Variants in RPAP1 observed in about 807,000 individuals in gnomAD.
RPAP1 encodes RNA polymerase II-associated protein 1.
Under a neutral mutation model 142.4 loss-of-function variants are expected in RPAP1, and 109 were observed. The observed-to-expected ratio is 0.77, with a 90% CI of 0.66 to 0.90. RPAP1 has a LOEUF of 0.90. RPAP1 is among the 40% of genes least tolerant of loss of function. The pLI is 0.00. For synonymous variants in RPAP1, 704 were observed against 738.9 expected, an observed-to-expected ratio of 0.95 and a Z score of 0.77; for missense variants, 1,546 against 1,751.7, an observed-to-expected ratio of 0.88 and a Z score of 2.10.
intron 14 of RPAP1, among the ~76,000 whole-genome samples, chr15:41,525,932 G>A (rs1256861713): frequency 6.6e-6 from 1 of 151,680 alleles, no homozygotes; most frequent in South Asian, 2.1e-4. Flanking sequence ...GGGATTACAG[G>A]TGTGAGCCAC....
In RPAP1 at chr15:41,534,626, A is replaced by G. The variant is rs2051889036; in HGVS notation, c.763+88T>C. On this transcript the variant is annotated intron_variant, in intron 6 of 24. Coordinates refer to ENST00000304330, the MANE Select transcript of RPAP1 (RefSeq NM_015540.4). ...AAAAAAAAGCATTAAAGTACTCAGC[A>G]CAGTGCCCGGAACTCACAGTAAGCC... is the stretch of plus-strand genomic sequence containing the variant. 4 of 720,946 alleles carry G rather than the reference A, an allele frequency of 5.5e-6. No individual in the cohort carries two copies. In the South Asian group the frequency reaches 6.1e-5, roughly 11 times the overall value. The allele number at this position is 720,946 out of a possible 1,614,324, so 44.7% of individuals were successfully genotyped here.
intron 1 of RPAP1, among the ~76,000 whole-genome samples, chr15:41,541,004 A>C (rs1301619066): frequency 6.6e-6 from 1 of 152,122 alleles, no homozygotes; most frequent in Non-Finnish European, 1.5e-5. Flanking sequence ...ACAAGTAAAA[A>C]TGTCTGCAGA....
intron 14 of RPAP1, among the ~76,000 whole-genome samples, chr15:41,526,200 C>T (rs931378980): frequency 5.3e-5 from 8 of 152,168 alleles, no homozygotes; most frequent in East Asian, 1.9e-4. Flanking sequence ...TCCACCACCT[C>T]GGTCTCCCAA....
At chr15:41,536,369 C>T (rs1479560917) in intron 3 of RPAP1, 132 bp downstream of exon 3, 34 of 1,376,262 alleles carry the variant, frequency 2.5e-5, no homozygotes, top group Admixed American at 1.6e-4. Context: ...TAACCCAGCC[C>T]CCAACCTGAC....
At chr15:41,524,924 G>T in intron 15 of RPAP1, 67 bp downstream of exon 15, 2 of 1,533,806 alleles carry the variant, frequency 1.3e-6, no homozygotes, top group Non-Finnish European at 1.8e-6. Context: ...AGGCTGAGGT[G>T]TTTGATTTGG....
chr15:41,534,966 T>C, intron 5 of RPAP1, 31 bp from the exon 6 acceptor site: 1 of 1,600,864 alleles, frequency 6.2e-7, no homozygotes, highest in Admixed American at 1.7e-5. Context: ...CATTCATTGC[T>C]CTGTCCTCCA....
chr15:41,528,142 A>C, intron 10 of RPAP1, 93 bp downstream of exon 10: 1 of 1,492,612 alleles, frequency 6.7e-7, no homozygotes, highest in South Asian at 1.2e-5. Flanking sequence ...ATAGCTGGCT[A>C]GTGAGCCAGA....
Position 41,522,789 on chromosome 15 carries a change from C to A in RPAP1, c.2718G>T (p.Gln906His). Residue 906 changes from glutamine (Q) to histidine (H), a missense_variant, in exon 19 of 25, where the codon CAG (glutamine) becomes CAT (histidine). Physicochemically the swap from Gln to His is conservative, Grantham distance 24. Transcript: ENST00000304330. ...CCTGGCCACACAGCCCCTTGTGGATCTGGGCCAGGGTATTAAGAAGAGAGA... is the reference window on the plus strand; with the variant it reads ...CCTGGCCACACAGCCCCTTGTGGATATGGGCCAGGGTATTAAGAAGAGAGA... ...ALLSLLNTLA[Q>H]IHKGLCGQLA... The A allele has an allele frequency of 6.4e-7, 1 of 1,566,418 alleles. No homozygotes were observed. The highest frequency in any genetic ancestry group is 1.2e-5 in the South Asian group (1 of 82,196).
chr15:41,531,621 ATATATATTTTTTTTTTTTTTTTT>A (rs1234297123), intron 6 of RPAP1, among the ~76,000 whole-genome samples: 8 of 34,228 alleles, frequency 2.3e-4, no homozygotes, highest in African/African-American at 8.9e-4. Flanking sequence ...ATATATATAT[ATATATATTTTTTTTTTTTTTTTT>A]TTTTTTTTTT....
At position 41,521,016 on chromosome 15, in the gene RPAP1, T is replaced by A. The variant is rs1179791431; in HGVS notation, c.3170A>T (p.Asn1057Ile). The A allele has an allele frequency of 1.2e-6, 2 of 1,603,650 alleles. No individual in the cohort carries two copies. Among genetic ancestry groups the A allele is most frequent in the Non-Finnish European group, 1.7e-6 (2 of 1,174,724 alleles). Reference protein sequence around the residue: ...QACQDLPSIRNCYLTHCSPAR... With the variant: ...QACQDLPSIRICYLTHCSPAR... ...TGGCGAGCAATGAGTCAGGTAGCAG[T>A]TGCGGATGCTGGGGAGGTCCTGGCA... The change falls in exon 22 of 25, where the codon AAC (asparagine) becomes ATC (isoleucine). Residue 1057 changes from asparagine (N) to isoleucine (I), a missense_variant. By Grantham distance (149) the Asn-to-Ile change is moderately radical (BLOSUM62 -3). Transcript: ENST00000304330.
rs375319678 is a variant in RPAP1 at position 41,531,142 on chromosome 15, G to C, written c.824C>G (p.Thr275Arg). 2.5e-6 allele frequency: 4 copies of C among 1,614,002 alleles called. No individual in the cohort carries two copies. Among genetic ancestry groups the C allele is most frequent in the South Asian group, 1.1e-5 (1 of 91,066 alleles). The change falls in exon 7 of 25, where the codon ACA becomes AGA. Residue 275 changes from threonine to arginine, a missense_variant. Transcript: ENST00000304330. The part of the protein sequence containing the change: ...HSHTQEQTGE[T>R]ASEEQRPGGP... ...TCCTGGCCTCTGCTCCTCAGAGGCT[G>C]TCTCTCCTGTTTGCTCTTGCGTGTG...
Position 41,524,974 on chromosome 15 carries a change from C to T in RPAP1, c.2075+17G>A, listed in dbSNP as rs779371133. The T allele has an allele frequency of 9.3e-6, 15 of 1,611,632 alleles. 1 individual carries two copies. The South Asian group carries it at 1.5e-4, about 17-fold the overall frequency. Reference sequence around the variant, plus strand: ...CTGAAGGTGTCTAGGGGGAGCCTACCCCCTGCCTCTCCTCACCTGTAAAGG... The same window carrying T: ...CTGAAGGTGTCTAGGGGGAGCCTACTCCCTGCCTCTCCTCACCTGTAAAGG... On this transcript the variant is annotated intron_variant, in intron 15 of 24. Coordinates refer to ENST00000304330, the MANE Select transcript of RPAP1 (RefSeq NM_015540.4).
At position 41,517,304 on chromosome 15, in the gene RPAP1, A is replaced by C; in HGVS notation, c.*238T>G. ...TTTGCCCTGTCCCCAAAGAGCGGGT[A>C]AATAGCTAAGCCACTCTTCACTCCC... is the stretch of plus-strand genomic sequence containing the variant. On this transcript the variant is annotated 3_prime_UTR_variant, in exon 25 of 25. Transcript: ENST00000304330. The C allele has an allele frequency of 2.5e-6, 1 of 393,686 alleles. No homozygotes were observed. The highest frequency in any genetic ancestry group is 4.5e-6 in the Non-Finnish European group (1 of 222,166). The allele number at this position is 393,686 out of a possible 1,614,324, so 24.4% of individuals were successfully genotyped here.
rs377287229 is a variant in RPAP1, at chr15:41,538,084, A to G, written c.-76-883T>C. On this transcript the variant is annotated intron_variant, in intron 1 of 24. Coordinates refer to ENST00000304330, the MANE Select transcript of RPAP1 (RefSeq NM_015540.4). Reference sequence around the variant, plus strand: ...CGGTGAAACCCCGTCTCTACTAAAAATATAAAAAACTAGCCGGGCGTGGTG... The same window carrying G: ...CGGTGAAACCCCGTCTCTACTAAAAGTATAAAAAACTAGCCGGGCGTGGTG... Among the ~76,000 whole-genome samples, 21 of 152,188 alleles carry G rather than the reference A, an allele frequency of 1.4e-4. No homozygotes were observed. In the East Asian group the frequency reaches 2.9e-3, roughly 21 times the overall value.
chr15:41,524,762 C>G (rs921078032), intron 15 of RPAP1, among the ~76,000 whole-genome samples: 2 of 152,202 alleles, frequency 1.3e-5, no homozygotes, highest in Non-Finnish European at 2.9e-5. Context: ...GCATGAGCCA[C>G]AGTGCCCGGC....
intron 1 of RPAP1, among the ~76,000 whole-genome samples, chr15:41,540,019 T>C (rs2051955733): frequency 6.6e-6 from 1 of 151,748 alleles, no homozygotes; most frequent in Non-Finnish European, 1.5e-5. Context: ...GGCGACAGAG[T>C]GAGACTCCGT....
chr15:41,519,421 G>A (rs1437224758), intron 22 of RPAP1, among the ~76,000 whole-genome samples: 2 of 150,920 alleles, frequency 1.3e-5, no homozygotes, highest in East Asian at 3.9e-4. Flanking sequence ...ATGTTGGCCA[G>A]GCTGGTCTCA....
Position 41,536,490 on chromosome 15 carries a change from G to C in RPAP1, c.330+11C>G. ...GAACATCTTATCCTACTCAGCCAGA[G>C]TGAGACGCACAATAATCTTAGTCAA... On this transcript the variant is annotated intron_variant, in intron 3 of 24. Coordinates refer to ENST00000304330, the MANE Select transcript of RPAP1 (RefSeq NM_015540.4). 6.2e-7 allele frequency: 1 copy of C among 1,613,918 alleles called. No homozygotes were observed.
intron 24 of RPAP1, 38 bp downstream of exon 24, chr15:41,517,760 C>A (rs1379527949): frequency 6.2e-7 from 1 of 1,613,896 alleles, no homozygotes; most frequent in African/African-American, 1.3e-5. Context: ...CCCCCAAGAT[C>A]CTCTAATATC....
Sources: gnomAD v4.1 joint callset for allele counts (sites outside exome capture counted in the v4.1 genomes callset) on GRCh38, gnomAD v4.1.1 for gene constraint, MANE v1.5 for transcripts, NCBI Gene and HGNC (gene_info 2026-07-23, HGNC 2026-07-21) for gene names.